C8orf34: variants seen among roughly 807,000 people sequenced by gnomAD.
C8orf34 encodes chromosome 8 open reading frame 34.
C8orf34 carries 65 observed loss-of-function variants against 68.3 expected under a neutral mutation model. The ratio of observed to expected loss-of-function variants is 0.95; its 90% CI spans 0.78 to 1.17. The LOEUF is 1.17. C8orf34 is among the 50% of genes most tolerant of loss of function. The pLI, the probability that C8orf34 is intolerant of heterozygous loss-of-function variation, is 0.00. For missense variants in C8orf34, 664 were observed against 655.4 expected, an observed-to-expected ratio of 1.01 and a Z score of -0.14; for synonymous variants, 244 against 241.2, an observed-to-expected ratio of 1.01 and a Z score of -0.11.
chr8:68,776,646 T>A (rs1258714399), intron 11 of C8orf34, among the ~76,000 whole-genome samples, 197 bp downstream of exon 11: 1 of 152,228 alleles, frequency 6.6e-6, no homozygotes, highest in Non-Finnish European at 1.5e-5. Flanking sequence ...AGATACTGTG[T>A]ATCAGTTCAG....
At chr8:68,654,099 G>A (rs1331950353) in intron 8 of C8orf34, among the ~76,000 whole-genome samples, 1 of 152,034 alleles carries the variant, frequency 6.6e-6, no homozygotes, top group Non-Finnish European at 1.5e-5. Flanking sequence ...AAAGATACCT[G>A]CATTCATTCA....
chr8:68,435,143 A>G (rs973904764), intron 1 of C8orf34, among the ~76,000 whole-genome samples: 1 of 149,344 alleles, frequency 6.7e-6, no homozygotes, highest in Non-Finnish European at 1.5e-5. Flanking sequence ...TTACAAGTGT[A>G]TATTGATAAA....
intron 7 of C8orf34, among the ~76,000 whole-genome samples, chr8:68,538,298 C>A (rs550936646): frequency 2.0e-5 from 3 of 152,232 alleles, no homozygotes; most frequent in African/African-American, 7.2e-5. Context: ...ATGGCCAAAG[C>A]ACCAGCTTAT....
At chr8:68,796,478 T>C (rs1824179633) in intron 12 of C8orf34, among the ~76,000 whole-genome samples, 1 of 149,632 alleles carries the variant, frequency 6.7e-6, no homozygotes, top group Admixed American at 6.6e-5. Context: ...CTTTGGGCCC[T>C]AGTTTCATGA....
chr8:68,402,034 G>A (rs778072772), intron 1 of C8orf34, among the ~76,000 whole-genome samples: 3 of 152,130 alleles, frequency 2.0e-5, no homozygotes, highest in Admixed American at 2.0e-4. Context: ...AAATTCACCT[G>A]GTTTTGGGCT....
intron 1 of C8orf34, among the ~76,000 whole-genome samples, chr8:68,352,895 G>T (rs1405564141): frequency 6.6e-6 from 1 of 152,082 alleles, no homozygotes; most frequent in Non-Finnish European, 1.5e-5. Flanking sequence ...ACAAATAGCT[G>T]TTAAAAAGAA....
chr8:68,792,071 A>C (rs1585890078), intron 12 of C8orf34: 1 of 152,162 alleles, frequency 6.6e-6, no homozygotes, highest in East Asian at 1.9e-4. Context: ...CTCATGTGTA[A>C]ATGTAAGAAC....
chr8:68,615,643 C>G (rs1312817300), intron 7 of C8orf34, among the ~76,000 whole-genome samples: 1 of 152,172 alleles, frequency 6.6e-6, no homozygotes, highest in Non-Finnish European at 1.5e-5. Context: ...ATGAAGCCCA[C>G]TTGATCATGG....
intron 1 of C8orf34, among the ~76,000 whole-genome samples, chr8:68,437,436 C>A (rs1810711054): frequency 6.6e-6 from 1 of 152,092 alleles, no homozygotes; most frequent in Non-Finnish European, 1.5e-5. Context: ...GTGACAATAG[C>A]AATCCAGTTG....
chr8:68,594,442 T>G (rs1817484111), intron 7 of C8orf34, among the ~76,000 whole-genome samples: 1 of 152,050 alleles, frequency 6.6e-6, no homozygotes, highest in Admixed American at 6.6e-5. Flanking sequence ...AAAATATGTA[T>G]TTTTACTCCA....
chr8:68,569,275 G>A (rs564413750), intron 7 of C8orf34, among the ~76,000 whole-genome samples: 1 of 152,344 alleles, frequency 6.6e-6, no homozygotes, highest in South Asian at 2.1e-4. Context: ...AATTCACCAC[G>A]CACGTGGTGG....
chr8:68,794,497 ATATATATATTT>A (rs1330147428), intron 12 of C8orf34, among the ~76,000 whole-genome samples: 1 of 84,102 alleles, frequency 1.2e-5, no homozygotes, highest in African/African-American at 7.8e-5. Flanking sequence ...ATATATATAT[ATATATATATTT>A]TTTTTTTTTT....
At chr8:68,734,810 G>A (rs1437457083) in intron 10 of C8orf34, among the ~76,000 whole-genome samples, 1 of 152,146 alleles carries the variant, frequency 6.6e-6, no homozygotes, top group South Asian at 2.1e-4. Context: ...CATCTGGCGG[G>A]TAGTGGGATA....
chr8:68,582,708 AC>A (rs774529751), intron 7 of C8orf34, among the ~76,000 whole-genome samples: 10 of 151,820 alleles, frequency 6.6e-5, no homozygotes, highest in Non-Finnish European at 1.3e-4. Context: ...GAGCTCCAAT[AC>A]TCTCAACATT....
chr8:68,555,020 T>G (rs1273395788), intron 7 of C8orf34, among the ~76,000 whole-genome samples: 1 of 152,160 alleles, frequency 6.6e-6, no homozygotes, highest in South Asian at 2.1e-4. Context: ...ATTTTGCCAC[T>G]TTTTTATGTT....
intron 10 of C8orf34, among the ~76,000 whole-genome samples, chr8:68,755,788 G>A (rs1410099393): frequency 2.0e-5 from 3 of 152,046 alleles, no homozygotes; most frequent in East Asian, 3.9e-4. Flanking sequence ...CTGGCCAGGC[G>A]CGGTGGCTCA....
intron 7 of C8orf34, among the ~76,000 whole-genome samples, chr8:68,542,418 T>C (rs2129950724): frequency 6.6e-6 from 1 of 152,322 alleles, no homozygotes; most frequent in South Asian, 2.1e-4. Flanking sequence ...AGGTTACATC[T>C]GATTTGCTTA....
intron 7 of C8orf34, among the ~76,000 whole-genome samples, chr8:68,570,670 C>T (rs937415139): frequency 6.6e-5 from 10 of 152,216 alleles, no homozygotes; most frequent in African/African-American, 2.4e-4. Flanking sequence ...AGTCATTAAC[C>T]TCCTGCTACT....
chr8:68,776,366 A>G, intron 10 of C8orf34, 33 bp from the exon 11 acceptor site: 1 of 1,558,072 alleles, frequency 6.4e-7, no homozygotes, highest in Non-Finnish European at 8.9e-7. Context: ...CCTTCTCCTG[A>G]CCTTTTCAAC....
Sources: gnomAD v4.1 joint callset for allele counts (sites outside exome capture counted in the v4.1 genomes callset) on GRCh38, gnomAD v4.1.1 for gene constraint, MANE v1.5 for transcripts, NCBI Gene and HGNC (gene_info 2026-07-23, HGNC 2026-07-21) for gene names.